Variants in MYO1D observed in about 807,000 individuals in gnomAD.
MYO1D encodes unconventional myosin-Id.
MYO1D carries 83 observed loss-of-function variants against 122.0 expected under a neutral mutation model. That is an observed-to-expected ratio of 0.68 (90% CI 0.57 to 0.82). The LOEUF (loss-of-function observed/expected upper bound fraction) is 0.82. Among genes scored for constraint, MYO1D ranks in the 40% least tolerant of loss-of-function variants. The probability of loss-of-function intolerance (pLI) is 0.00; values close to 1 mark genes in which losing one functional copy is unlikely to be tolerated. For synonymous variants in MYO1D, 464 were observed against 446.9 expected (o/e 1.04, Z -0.48); for missense variants, 1,157 against 1,269.5 (o/e 0.91, Z 1.35).
chr17:32,555,561 C>T (rs1411938504), intron 21 of MYO1D, among the ~76,000 whole-genome samples: 2 of 152,122 alleles, frequency 1.3e-5, no homozygotes, highest in Non-Finnish European at 2.9e-5. Flanking sequence ...GTTCTGGCTG[C>T]CTGTTGTCTG....
intron 21 of MYO1D, among the ~76,000 whole-genome samples, chr17:32,572,922 A>G (rs2087244596): frequency 6.6e-6 from 1 of 151,990 alleles, no homozygotes; most frequent in East Asian, 1.9e-4. Context: ...ATGTTACCCT[A>G]TTTCAGCGTC....
At position 32,494,850 on chromosome 17, in the gene MYO1D, C is replaced by T. The variant is rs749525098; in HGVS notation, c.2930G>A (p.Cys977Tyr). Residue 977 changes from cysteine to tyrosine, a missense_variant, in exon 22 of 22, where the codon TGC (cysteine) becomes TAC (tyrosine). By Grantham distance (194) the Cys-to-Tyr change is radical. Transcript: ENST00000318217. ...GAGCCGCGTCTCCACGGAGACGGTGCACTTCTTCCCGTGCAGGCTGCACTG... is the reference window on the plus strand; with the variant it reads ...GAGCCGCGTCTCCACGGAGACGGTGTACTTCTTCCCGTGCAGGCTGCACTG... ...PVQCSLHGKKCTVSVETRLNQ... is the reference protein window; with the variant it reads ...PVQCSLHGKKYTVSVETRLNQ... 6 of 1,613,860 alleles carry T rather than the reference C, an allele frequency of 3.7e-6. No individual in the cohort carries two copies. The African/African-American group carries it at 5.3e-5, about 14-fold the overall frequency.
intron 7 of MYO1D, among the ~76,000 whole-genome samples, chr17:32,766,524 A>G (rs1238034889): frequency 6.6e-6 from 1 of 152,160 alleles, no homozygotes; most frequent in Non-Finnish European, 1.5e-5. Context: ...GGCCAGGCAC[A>G]GTGGCTCACG....
chr17:32,850,131 CTT>C (rs528257889), intron 1 of MYO1D, among the ~76,000 whole-genome samples: 2 of 151,796 alleles, frequency 1.3e-5, no homozygotes, highest in African/African-American at 4.8e-5. Context: ...TGGGAAATAA[CTT>C]TTTTTTTCCA....
chr17:32,745,484 T>G, intron 12 of MYO1D, 199 bp from the exon 13 acceptor site: 1 of 443,324 alleles, frequency 2.3e-6, no homozygotes. Flanking sequence ...AGTACTATTA[T>G]GATTAAGATG....
chr17:32,845,039 C>A (rs367595585), intron 1 of MYO1D, among the ~76,000 whole-genome samples: 37 of 150,830 alleles, frequency 2.5e-4, no homozygotes, highest in African/African-American at 8.8e-4. Context: ...TACACACATA[C>A]CAAAGGAAAA....
chr17:32,865,814 A>G (rs1234250870), intron 1 of MYO1D, among the ~76,000 whole-genome samples: 1 of 152,240 alleles, frequency 6.6e-6, no homozygotes, highest in Non-Finnish European at 1.5e-5. Context: ...TGAGGCTAGG[A>G]CAATGAGGAG....
intron 1 of MYO1D, among the ~76,000 whole-genome samples, chr17:32,874,964 AGAG>A (rs1227531670): frequency 6.6e-6 from 1 of 152,172 alleles, no homozygotes; most frequent in East Asian, 1.9e-4. Context: ...ATTCTATTAC[AGAG>A]GAGTAGTCCT....
At chr17:32,738,069 C>T (rs1448211479) in intron 14 of MYO1D, among the ~76,000 whole-genome samples, 184 bp downstream of exon 14, 1 of 152,198 alleles carries the variant, frequency 6.6e-6, no homozygotes, top group African/African-American at 2.4e-5. Flanking sequence ...AGGACACCAA[C>T]AATCGTTCCA....
intron 3 of MYO1D, among the ~76,000 whole-genome samples, chr17:32,776,543 T>C (rs1433270529): frequency 3.3e-5 from 5 of 152,224 alleles, no homozygotes; most frequent in Non-Finnish European, 7.3e-5. Flanking sequence ...ATTTTATAAA[T>C]GTACATATTT....
intron 16 of MYO1D, among the ~76,000 whole-genome samples, chr17:32,705,989 T>G (rs1294577946): frequency 2.6e-5 from 4 of 152,200 alleles, no homozygotes. Flanking sequence ...TGTGGAACTG[T>G]GAGTCAATTA....
At chr17:32,726,419 C>A (rs1469806706) in intron 14 of MYO1D, among the ~76,000 whole-genome samples, 90 of 135,920 alleles carry the variant, frequency 6.6e-4, no homozygotes, top group Middle Eastern at 7.8e-3. Flanking sequence ...GACCCTGTCT[C>A]AAAAAAAAAA....
chr17:32,778,725 C>T (rs944091922), intron 2 of MYO1D, 152 bp from the exon 3 acceptor site: 21 of 671,150 alleles, frequency 3.1e-5, no homozygotes, highest in African/African-American at 9.1e-5. Context: ...TGAGTTATTT[C>T]GTCCTGCCTT....
chr17:32,657,025 G>A (rs1438908401), intron 17 of MYO1D, among the ~76,000 whole-genome samples: 1 of 152,180 alleles, frequency 6.6e-6, no homozygotes, highest in Non-Finnish European at 1.5e-5. Flanking sequence ...CATGGAGAAA[G>A]CCACCCATGC....
chr17:32,825,289 CTTATT>C (rs777529476), intron 1 of MYO1D, among the ~76,000 whole-genome samples: 37 of 151,666 alleles, frequency 2.4e-4, no homozygotes, highest in East Asian at 1.7e-3. Flanking sequence ...TTTTCTTTAT[CTTATT>C]TTATTTTATT....
chr17:32,750,593 C>T (rs1387600009), intron 11 of MYO1D, among the ~76,000 whole-genome samples: 7 of 151,786 alleles, frequency 4.6e-5, no homozygotes, highest in South Asian at 4.2e-4. Context: ...CCAGCCTGGG[C>T]GACAAGAGCA....
At chr17:32,657,549 A>G (rs1297726263) in intron 17 of MYO1D, among the ~76,000 whole-genome samples, 1 of 152,264 alleles carries the variant, frequency 6.6e-6, no homozygotes, top group Non-Finnish European at 1.5e-5. Context: ...AACTGGCAAG[A>G]TTCAGTGTGT....
intron 1 of MYO1D, among the ~76,000 whole-genome samples, chr17:32,837,050 T>C (rs1598143295): frequency 6.6e-6 from 1 of 152,064 alleles, no homozygotes; most frequent in African/African-American, 2.4e-5. Context: ...CCAATATTTT[T>C]TTCCTTTTTT....
intron 21 of MYO1D, among the ~76,000 whole-genome samples, chr17:32,536,221 G>T (rs911039357): frequency 6.6e-6 from 1 of 152,028 alleles, no homozygotes; most frequent in African/African-American, 2.4e-5. Flanking sequence ...TTTTAGTAGA[G>T]ACAGGGTTTC....
Sources: gnomAD v4.1 joint callset for allele counts (sites outside exome capture counted in the v4.1 genomes callset) on GRCh38, gnomAD v4.1.1 for gene constraint, MANE v1.5 for transcripts, NCBI Gene and HGNC (gene_info 2026-07-23, HGNC 2026-07-21) for gene names.